The following ZNF566 variants were observed in gnomAD, a reference collection of about 807,000 sequenced individuals.
ZNF566 encodes zinc finger protein 566.
A neutral mutation model predicts 32.8 loss-of-function variants in ZNF566; 27 were observed. The ratio of observed to expected loss-of-function variants is 0.82; its 90% CI spans 0.61 to 1.14. The LOEUF is 1.14. Among genes scored for constraint, ZNF566 ranks in the 50% most tolerant of loss-of-function variants. ZNF566 has a pLI of 0.00. For synonymous variants in ZNF566, 154 were observed against 159.5 expected, an observed-to-expected ratio of 0.97 and a Z score of 0.26; for missense variants, 402 against 490.4, an observed-to-expected ratio of 0.82 and a Z score of 1.70.
intron 4 of ZNF566, among the ~76,000 whole-genome samples, chr19:36,452,534 T>C (rs980838583): frequency 1.3e-5 from 2 of 149,378 alleles, no homozygotes; most frequent in East Asian, 3.9e-4. Context: ...GGGAAGATAG[T>C]TTGAAATCAT....
At chr19:36,461,699 A>T (rs146097930) in intron 4 of ZNF566, among the ~76,000 whole-genome samples, 271 of 152,122 alleles carry the variant, frequency 1.8e-3, no homozygotes, top group Admixed American at 4.5e-3. Context: ...TAAAATAAAA[A>T]AATAAAATAA....
At chr19:36,453,299 C>T (rs1056586784) in intron 4 of ZNF566, among the ~76,000 whole-genome samples, 1 of 151,330 alleles carries the variant, frequency 6.6e-6, no homozygotes, top group Non-Finnish European at 1.5e-5. Context: ...ATTGTGAAAC[C>T]CTGTCTCTAC....
At chr19:36,462,181 T>C (rs1354825751) in intron 4 of ZNF566, among the ~76,000 whole-genome samples, 1 of 151,824 alleles carries the variant, frequency 6.6e-6, no homozygotes, top group Non-Finnish European at 1.5e-5. Flanking sequence ...AGAGATGGGG[T>C]TTCTCCATGT....
At chr19:36,489,327 A>G (rs2034251743) in intron 1 of ZNF566, 159 bp downstream of exon 1, 1 of 221,076 alleles carries the variant, frequency 4.5e-6, no homozygotes, top group African/African-American at 2.4e-5. Context: ...TTGGAAACAC[A>G]CTCATCACAA....
At chr19:36,480,735 T>A (rs1037647157) in intron 1 of ZNF566, among the ~76,000 whole-genome samples, 9 of 151,332 alleles carry the variant, frequency 5.9e-5, no homozygotes, top group Non-Finnish European at 1.3e-4. Context: ...ATGTGAATGT[T>A]TAAAAGCTTC....
At chr19:36,485,794 G>A (rs2034148195) in intron 1 of ZNF566, among the ~76,000 whole-genome samples, 1 of 150,972 alleles carries the variant, frequency 6.6e-6, no homozygotes, top group South Asian at 2.1e-4. Context: ...GGTGGCTCAC[G>A]CCTGTAATCC....
chr19:36,474,379 C>A (rs1052386729), intron 2 of ZNF566, among the ~76,000 whole-genome samples: 1 of 152,064 alleles, frequency 6.6e-6, no homozygotes, highest in Non-Finnish European at 1.5e-5. Context: ...AGGGGGGAAG[C>A]AATTAACCCC....
intron 4 of ZNF566, 42 bp downstream of exon 4, chr19:36,472,869 T>C (rs772200601): frequency 7.2e-6 from 11 of 1,526,100 alleles, no homozygotes; most frequent in Non-Finnish European, 9.9e-6. Context: ...ATGCAGTCTC[T>C]CTACCAGCCA....
At chr19:36,479,199 T>C (rs2033966990) in intron 1 of ZNF566, among the ~76,000 whole-genome samples, 1 of 152,192 alleles carries the variant, frequency 6.6e-6, no homozygotes, top group Admixed American at 6.5e-5. Context: ...ATAATGTGCA[T>C]TATCATCATT....
At chr19:36,471,601 C>T (rs760069768) in intron 4 of ZNF566, among the ~76,000 whole-genome samples, 5 of 152,166 alleles carry the variant, frequency 3.3e-5, no homozygotes, top group African/African-American at 4.8e-5. Flanking sequence ...CTTGCCCCTT[C>T]ACATAAAATA....
intron 1 of ZNF566, among the ~76,000 whole-genome samples, chr19:36,483,131 C>T (rs1163825159): frequency 2.6e-5 from 4 of 152,168 alleles, no homozygotes; most frequent in Non-Finnish European, 4.4e-5. Flanking sequence ...GTGAAACTGA[C>T]AAGCCAACTT....
intron 1 of ZNF566, among the ~76,000 whole-genome samples, chr19:36,479,287 GGAAA>G (rs554584422): frequency 9.6e-4 from 146 of 152,166 alleles, no homozygotes; most frequent in African/African-American, 3.3e-3. Context: ...AAGATTGGTA[GGAAA>G]GAAAGAAAAC....
chr19:36,469,110 T>G (rs1278072638), intron 4 of ZNF566, among the ~76,000 whole-genome samples: 4 of 151,844 alleles, frequency 2.6e-5, no homozygotes, highest in African/African-American at 4.9e-5. Flanking sequence ...AATAAAGCAG[T>G]CCAGTATACA....
intron 4 of ZNF566, among the ~76,000 whole-genome samples, chr19:36,471,057 C>CA (rs1568524286): frequency 6.7e-6 from 1 of 148,218 alleles, no homozygotes; most frequent in African/African-American, 2.5e-5. Flanking sequence ...AAAAAAAATA[C>CA]AAAAAAATTA....
In ZNF566 at chr19:36,466,926, G is replaced by A. The variant is rs111336753; in HGVS notation, c.232+5985C>T. On this transcript the variant is annotated intron_variant, in intron 4 of 4. Coordinates refer to ENST00000452939, the MANE Select transcript of ZNF566 (RefSeq NM_001145344.1). ...TACTAAAAATACAAAAAAATTAGCC[G>A]GGCGAGGTGGCAGGTGCCTGTAGTC... 4.3e-3 allele frequency among the ~76,000 whole-genome samples: 648 copies of A among 150,088 alleles called. 9 individuals carry two copies. Among genetic ancestry groups the A allele is most frequent in the African/African-American group, 0.016 (619 of 39,846 alleles).
chr19:36,459,939 G>C (rs1357172072), intron 4 of ZNF566, among the ~76,000 whole-genome samples: 1 of 150,512 alleles, frequency 6.6e-6, no homozygotes, highest in Non-Finnish European at 1.5e-5. Context: ...CTGCCTCTCA[G>C]CCTCCCAAGT....
At chr19:36,475,294 C>G (rs1476808155) in intron 2 of ZNF566, among the ~76,000 whole-genome samples, 12 of 152,140 alleles carry the variant, frequency 7.9e-5, no homozygotes, top group Admixed American at 7.9e-4. Context: ...CAGCCTCAAC[C>G]TCCCAAAATG....
intron 1 of ZNF566, 94 bp from the exon 2 acceptor site, chr19:36,476,710 G>C: frequency 9.7e-7 from 1 of 1,026,332 alleles, no homozygotes; most frequent in Non-Finnish European, 1.4e-6. Flanking sequence ...CTTCAGAAAT[G>C]CTTGTGGGGT....
chr19:36,465,752 T>C (rs1216375248), intron 4 of ZNF566, among the ~76,000 whole-genome samples: 1 of 151,950 alleles, frequency 6.6e-6, no homozygotes, highest in Non-Finnish European at 1.5e-5. Flanking sequence ...GGATTACAGG[T>C]GTTAGCCACC....
Sources: allele counts gnomAD v4.1 joint callset (sites outside exome capture counted in the v4.1 genomes callset), GRCh38; gene constraint gnomAD v4.1.1; transcripts MANE v1.5; gene names NCBI Gene and HGNC (gene_info 2026-07-23, HGNC 2026-07-21).